Variants in WDPCP observed in about 807,000 individuals in gnomAD.
WDPCP encodes the protein WD repeat-containing and planar cell polarity effector protein fritz homolog.
A neutral mutation model predicts 93.1 loss-of-function variants in WDPCP; 71 were observed. The observed-to-expected ratio is 0.76, with a 90% CI of 0.63 to 0.93. The LOEUF (loss-of-function observed/expected upper bound fraction) is 0.93. Ranked by LOEUF, WDPCP falls within the 40% of genes least tolerant of loss-of-function variation. The pLI is 0.00. For synonymous variants in WDPCP, 315 were observed against 315.0 expected (o/e 1.00, Z 0.00); for missense variants, 844 against 887.4 (o/e 0.95, Z 0.62).
intron 13 of WDPCP, among the ~76,000 whole-genome samples, chr2:63,302,543 G>A (rs986439418): frequency 3.3e-5 from 5 of 152,174 alleles, no homozygotes; most frequent in African/African-American, 9.7e-5. Context: ...TGAGCTAGGA[G>A]GAAGGGAACC....
In WDPCP at chr2:63,731,172, G is replaced by A. The variant is rs151286189; in HGVS notation, n.309-80334C>T. Among the ~76,000 whole-genome samples, 137 of 151,970 alleles carry A rather than the reference G, an allele frequency of 9.0e-4. 1 individual carries two copies. The highest frequency in any genetic ancestry group is 3.2e-3 in the African/African-American group (134 of 41,464). ...TAGTTCCAGCTACTTGGGAGGCTGA[G>A]GCAGGAGAATCACTTGAATCCGGGA... On this transcript the variant is annotated intron_variant and non_coding_transcript_variant, in intron 2 of 4. Coordinates refer to the WDPCP transcript ENST00000467687.
chr2:63,306,950 T>C (rs929838662), intron 13 of WDPCP, among the ~76,000 whole-genome samples: 3 of 152,174 alleles, frequency 2.0e-5, no homozygotes, highest in African/African-American at 7.2e-5. Flanking sequence ...GGAAGTTAAA[T>C]TGTCTCTGTT....
chr2:63,820,086 T>C (rs1019944292), intron 1 of WDPCP, among the ~76,000 whole-genome samples: 6 of 152,174 alleles, frequency 3.9e-5, no homozygotes, highest in Admixed American at 6.5e-5. Flanking sequence ...GATAAAAGCA[T>C]GATGTCTGGG....
At chr2:63,573,896 T>C (rs1190533877) in intron 1 of WDPCP, among the ~76,000 whole-genome samples, 1 of 152,158 alleles carries the variant, frequency 6.6e-6, no homozygotes, top group Non-Finnish European at 1.5e-5. Flanking sequence ...CCGTCTTTTA[T>C]GGTAGAAGCA....
At chr2:63,551,681 T>C (rs888276164) in intron 1 of WDPCP, among the ~76,000 whole-genome samples, 1 of 152,196 alleles carries the variant, frequency 6.6e-6, no homozygotes, top group East Asian at 1.9e-4. Context: ...GACAAGGACA[T>C]GTTGGACACA....
intron 17 of WDPCP, among the ~76,000 whole-genome samples, chr2:63,129,275 A>G (rs1421515564): frequency 2.0e-5 from 3 of 152,152 alleles, no homozygotes; most frequent in African/African-American, 2.4e-5. Context: ...CTTGCTTTCA[A>G]TTCTTTGGGG....
intron 17 of WDPCP, among the ~76,000 whole-genome samples, chr2:63,128,809 C>T (rs776552006): frequency 3.2e-4 from 48 of 152,188 alleles, no homozygotes; most frequent in Non-Finnish European, 6.0e-4. Context: ...GCTGGGATTA[C>T]AGGCATGTGC....
intron 8 of WDPCP, 90 bp downstream of exon 8, chr2:63,437,331 T>C: frequency 9.2e-7 from 1 of 1,084,398 alleles, no homozygotes; most frequent in Non-Finnish European, 1.3e-6. Context: ...TCCAGAAATG[T>C]TGAAGAATAA....
chr2:63,158,058 C>T (rs572789346), intron 15 of WDPCP, among the ~76,000 whole-genome samples: 81 of 151,522 alleles, frequency 5.3e-4, no homozygotes, highest in African/African-American at 1.9e-3. Flanking sequence ...TTCTGATTTC[C>T]TTAAGACCAT....
At chr2:63,704,603 T>C (rs143423256) in intron 2 of WDPCP, among the ~76,000 whole-genome samples, 1,720 of 152,330 alleles carry the variant, frequency 0.011, 17 homozygotes, top group African/African-American at 0.036. Flanking sequence ...ATTACGTTTA[T>C]TGATTTGCAT....
chr2:63,278,405 C>T (rs986523766), intron 13 of WDPCP, among the ~76,000 whole-genome samples: 4 of 151,716 alleles, frequency 2.6e-5, no homozygotes, highest in Admixed American at 1.3e-4. Flanking sequence ...AAAGAAGTAC[C>T]GAAGATGAGA....
chr2:63,235,872 A>G (rs934970115), intron 14 of WDPCP, among the ~76,000 whole-genome samples: 3 of 152,232 alleles, frequency 2.0e-5, no homozygotes, highest in Non-Finnish European at 4.4e-5. Flanking sequence ...ATCTATGACA[A>G]ACCCACAGCC....
intron 14 of WDPCP, among the ~76,000 whole-genome samples, chr2:63,191,188 C>T (rs538243446): frequency 2.6e-4 from 39 of 152,168 alleles, no homozygotes; most frequent in African/African-American, 8.2e-4. Context: ...GTCAGGAGAT[C>T]GAGACCGTCC....
At chr2:63,200,949 A>C (rs920487681) in intron 14 of WDPCP, among the ~76,000 whole-genome samples, 1 of 151,980 alleles carries the variant, frequency 6.6e-6, no homozygotes, top group Non-Finnish European at 1.5e-5. Context: ...GAAGGACATG[A>C]GATATGGGAG....
Position 63,378,377 on chromosome 2 carries a change from A to G in WDPCP, c.1748+9T>C. On this transcript the variant is annotated intron_variant, in intron 12 of 17. Transcript: ENST00000272321. ...GTCTGACGCTAATCAATCCAAACAT[A>G]TCATTCACCTGAGCAAGTGATGGAA... 1.9e-6 allele frequency: 3 copies of G among 1,612,816 alleles called. No homozygotes were observed. Among genetic ancestry groups the G allele is most frequent in the Non-Finnish European group, 2.5e-6 (3 of 1,179,210 alleles).
intron 15 of WDPCP, among the ~76,000 whole-genome samples, chr2:63,170,146 G>C (rs1452320969): frequency 6.6e-6 from 1 of 150,766 alleles, no homozygotes; most frequent in East Asian, 2.0e-4. Context: ...CTCCCACCTT[G>C]GCCTCCCAAA....
chr2:63,748,173 C>T (rs1250804965), intron 2 of WDPCP, among the ~76,000 whole-genome samples: 2 of 151,586 alleles, frequency 1.3e-5, no homozygotes, highest in African/African-American at 2.4e-5. Flanking sequence ...AATTTTTTTA[C>T]ATATTAACAG....
chr2:63,212,300 G>A (rs897608222), intron 14 of WDPCP, among the ~76,000 whole-genome samples: 34 of 152,158 alleles, frequency 2.2e-4, no homozygotes, highest in African/African-American at 8.0e-4. Context: ...AGAAGAGAGT[G>A]GGGGCCAATA....
intron 3 of WDPCP, among the ~76,000 whole-genome samples, chr2:63,602,727 C>G (rs1409474623): frequency 6.6e-6 from 1 of 152,108 alleles, no homozygotes; most frequent in Non-Finnish European, 1.5e-5. Flanking sequence ...TTTTTCTGCA[C>G]TCCACCTCTA....
Sources: gnomAD v4.1 joint callset for allele counts (sites outside exome capture counted in the v4.1 genomes callset) on GRCh38, gnomAD v4.1.1 for gene constraint, MANE v1.5 for transcripts, NCBI Gene and HGNC (gene_info 2026-07-23, HGNC 2026-07-21) for gene names.